The following MSI2 variants were observed in gnomAD, a reference collection of about 807,000 sequenced individuals.
The protein encoded by MSI2 is musashi RNA binding protein 2.
In MSI2, 17 loss-of-function variants were observed where a neutral mutation model predicts 45.6. The observed-to-expected ratio is 0.37, with a 90% CI of 0.26 to 0.56. MSI2 has a LOEUF of 0.56. Among genes scored for constraint, MSI2 ranks in the 20% least tolerant of loss-of-function variants. The pLI, the probability that MSI2 is intolerant of heterozygous loss-of-function variation, is 0.77. For synonymous variants in MSI2, 156 were observed against 158.2 expected (o/e 0.99, Z 0.11); for missense variants, 293 against 444.2 (o/e 0.66, Z 3.06).
At chr17:57,588,614 A>T (rs1018220518) in intron 7 of MSI2, among the ~76,000 whole-genome samples, 1 of 152,168 alleles carries the variant, frequency 6.6e-6, no homozygotes, top group African/African-American at 2.4e-5. Flanking sequence ...CCCTGCTCTT[A>T]TATTTAAGAA....
intron 6 of MSI2, among the ~76,000 whole-genome samples, chr17:57,466,760 T>C (rs1179708614): frequency 6.8e-6 from 1 of 147,272 alleles, no homozygotes; most frequent in East Asian, 2.0e-4. Context: ...TTTTTCTCAC[T>C]ATACTCTCAT....
chr17:57,686,206 C>G (rs1913876415), downstream of MSI2, among the ~76,000 whole-genome samples: 1 of 152,036 alleles, frequency 6.6e-6, no homozygotes, highest in Non-Finnish European at 1.5e-5. Context: ...AGTGAGGCTT[C>G]TAACCTAGGT....
At chr17:57,585,779 A>G (rs2088329657) in intron 7 of MSI2, among the ~76,000 whole-genome samples, 1 of 152,196 alleles carries the variant, frequency 6.6e-6, no homozygotes. Context: ...TGAGTTGAGA[A>G]TCCTTGAAGG....
rs1220005947 is a variant in MSI2 at position 57,682,292 on chromosome 17, G to C, written c.*2775G>C. The C allele has an allele frequency of 5.2e-6, 1 of 191,256 alleles. No individual in the cohort carries two copies. Among genetic ancestry groups the C allele is most frequent in the South Asian group, 2.0e-4 (1 of 5,090 alleles). 11.8% of individuals were successfully genotyped at this position (191,256 alleles called of 1,614,324 possible). A position where few individuals can be genotyped will look rare whatever the true frequency, so the allele number is the denominator to read the frequency against. On this transcript the variant is annotated 3_prime_UTR_variant, in exon 14 of 14. Coordinates refer to ENST00000284073, the MANE Select transcript of MSI2 (RefSeq NM_138962.4). ...CAAGGTCTCACCATGTTAAAATGCC[G>C]GCGGACTCTACGGCGTTTTGTAGAT...
the MSI2 span, among the ~76,000 whole-genome samples, chr17:57,697,155 C>CAT: frequency 1.3e-5 from 2 of 150,708 alleles, no homozygotes; most frequent in African/African-American, 4.9e-5. Flanking sequence ...CACACACACA[C>CAT]ACACACACAG....
chr17:57,269,449 G>A (rs1908143483), intron 5 of MSI2, among the ~76,000 whole-genome samples: 1 of 152,198 alleles, frequency 6.6e-6, no homozygotes, highest in African/African-American at 2.4e-5. Flanking sequence ...CTGGGCTTGT[G>A]GCTTAAGCTT....
chr17:57,547,766 A>G (rs2087204043), intron 7 of MSI2, among the ~76,000 whole-genome samples: 1 of 151,478 alleles, frequency 6.6e-6, no homozygotes, highest in Non-Finnish European at 1.5e-5. Context: ...ACACACACAC[A>G]CACACACACA....
chr17:57,637,417 A>C (rs1909922183), intron 10 of MSI2, among the ~76,000 whole-genome samples: 1 of 152,196 alleles, frequency 6.6e-6, no homozygotes. Context: ...ATAGGCACTT[A>C]ATAAACGTTT....
At chr17:57,382,113 G>T (rs2083607718) in intron 5 of MSI2, among the ~76,000 whole-genome samples, 1 of 152,174 alleles carries the variant, frequency 6.6e-6, no homozygotes, top group South Asian at 2.1e-4. Flanking sequence ...TGACTGAGGG[G>T]TGTTGGGGAG....
rs193069054 is a variant in MSI2, at chr17:57,355,865, T to G, written c.313-45514T>G. On this transcript the variant is annotated intron_variant, in intron 5 of 13. Coordinates refer to ENST00000284073, the MANE Select transcript of MSI2 (RefSeq NM_138962.4). Reference sequence around the variant, plus strand: ...TACTTTGGAAGATGTAAAGTGGCATTTAGATGACATAGGCTATGTTTCCCA... The same window carrying G: ...TACTTTGGAAGATGTAAAGTGGCATGTAGATGACATAGGCTATGTTTCCCA... 2.8e-3 allele frequency among the ~76,000 whole-genome samples: 429 copies of G among 152,330 alleles called. 1 individual carries two copies. The highest frequency in any genetic ancestry group is 1.0e-2 in the African/African-American group (414 of 41,568).
intron 6 of MSI2, among the ~76,000 whole-genome samples, chr17:57,442,546 C>T (rs75139058): frequency 7.4e-4 from 112 of 152,302 alleles, no homozygotes; most frequent in Non-Finnish European, 1.5e-3. Flanking sequence ...CTCCCCTCCC[C>T]TTCTCCCGGA....
intron 7 of MSI2, among the ~76,000 whole-genome samples, chr17:57,559,365 G>A (rs764905676): frequency 5.9e-5 from 9 of 152,172 alleles, no homozygotes; most frequent in Admixed American, 2.6e-4. Flanking sequence ...TGTCTCATCC[G>A]CTCCCGCCTT....
At chr17:57,500,234 C>T (rs1598338287) in intron 6 of MSI2, among the ~76,000 whole-genome samples, 2 of 152,034 alleles carry the variant, frequency 1.3e-5, no homozygotes, top group African/African-American at 4.8e-5. Context: ...CCTGCAGTCA[C>T]TCAGATCTTA....
chr17:57,261,395 C>A (rs1297252246), intron 4 of MSI2, among the ~76,000 whole-genome samples: 1 of 149,948 alleles, frequency 6.7e-6, no homozygotes, highest in Non-Finnish European at 1.5e-5. Flanking sequence ...GATGGGATTT[C>A]TTTTCTAATT....
chr17:57,598,971 C>T (rs1905552477), intron 8 of MSI2, among the ~76,000 whole-genome samples: 2 of 152,168 alleles, frequency 1.3e-5, no homozygotes, highest in Admixed American at 6.5e-5. Context: ...CCAGTACTAG[C>T]TATTTTTAAA....
intron 11 of MSI2, among the ~76,000 whole-genome samples, chr17:57,660,662 C>A (rs1460391125): frequency 2.6e-5 from 4 of 152,170 alleles, no homozygotes; most frequent in Non-Finnish European, 4.4e-5. Context: ...TCTGGGAAGT[C>A]AGGGAATGTT....
At chr17:57,513,265 C>T (rs762021962) in intron 6 of MSI2, among the ~76,000 whole-genome samples, 27 of 152,148 alleles carry the variant, frequency 1.8e-4, no homozygotes, top group Non-Finnish European at 2.8e-4. Flanking sequence ...TGAGCCACCA[C>T]GCTCGGCTGA....
rs149037562 is a variant in MSI2, at chr17:57,278,709, G to A, written c.312+16517G>A. The A allele has an allele frequency of 5.8e-5, 9 of 154,964 alleles. No individual in the cohort carries two copies. In the East Asian group the frequency reaches 1.7e-3, roughly 29 times the overall value. 9.6% of individuals were successfully genotyped at this position (154,964 alleles called of 1,614,324 possible). A position where few individuals can be genotyped will look rare whatever the true frequency, so the allele number is the denominator to read the frequency against. ...TTCTTTTTTTAATTTTAAGTTCCAG[G>A]ATACATGTGCAGGATGTGCAGGTTT... On this transcript the variant is annotated intron_variant, in intron 5 of 13. Transcript: ENST00000284073.
At chr17:57,543,162 C>T (rs2087089314) in intron 7 of MSI2, among the ~76,000 whole-genome samples, 1 of 152,114 alleles carries the variant, frequency 6.6e-6, no homozygotes, top group African/African-American at 2.4e-5. Context: ...AGGAGCTACA[C>T]CTGTCTTCTG....
Sources: gnomAD v4.1 joint callset for allele counts (sites outside exome capture counted in the v4.1 genomes callset) on GRCh38, gnomAD v4.1.1 for gene constraint, MANE v1.5 for transcripts, NCBI Gene and HGNC (gene_info 2026-07-23, HGNC 2026-07-21) for gene names.